Variants in ALG6 observed in about 807,000 individuals in gnomAD.
ALG6 encodes the protein dolichyl pyrophosphate Man9GlcNAc2 alpha-1,3-glucosyltransferase.
ALG6 carries 46 observed loss-of-function variants against 66.6 expected under a neutral mutation model. The observed-to-expected ratio is 0.69, with a 90% CI of 0.55 to 0.88. The LOEUF (loss-of-function observed/expected upper bound fraction) is 0.88, where lower values mean the gene tolerates loss of function less well. Ranked by LOEUF, ALG6 falls within the 40% of genes least tolerant of loss-of-function variation. ALG6 has a pLI of 0.00. For synonymous variants in ALG6, 185 were observed against 203.7 expected, an observed-to-expected ratio of 0.91 and a Z score of 0.78; for missense variants, 505 against 586.8, an observed-to-expected ratio of 0.86 and a Z score of 1.44.
chr1:63,382,655 GTTTTTTTTT>G, intron 2 of ALG6, among the ~76,000 whole-genome samples: 1 of 81,242 alleles, frequency 1.2e-5, no homozygotes, highest in Middle Eastern at 6.6e-3. Flanking sequence ...TTTTTTGTTT[GTTTTTTTTT>G]GTTTTTTTTT....
intron 3 of ALG6, among the ~76,000 whole-genome samples, chr1:63,397,627 A>G (rs913259786): frequency 1.3e-5 from 2 of 152,190 alleles, no homozygotes; most frequent in African/African-American, 4.8e-5. Context: ...CTTCATAGAC[A>G]TTTTTGTTAA....
chr1:63,433,135 G>T lies in ALG6; in HGVS notation c.1327-3688G>T, dbSNP rs1033473566. The stretch of plus-strand genomic sequence containing the variant: ...TTTTTGTATTTTTAATAGAGACGGG[G>T]TTTCACCATATTGGCCAGGCTGGTC... On this transcript the variant is annotated intron_variant, in intron 14 of 14. Transcript: ENST00000263440. The surrounding 1 kb of genome is among the most constrained non-coding windows in gnomAD (Gnocchi z 4.2). Among the ~76,000 whole-genome samples the T allele has an allele frequency of 6.6e-6, 1 of 152,052 alleles. No individual in the cohort carries two copies. The highest frequency in any genetic ancestry group is 2.4e-5 in the African/African-American group (1 of 41,380).
intron 2 of ALG6, among the ~76,000 whole-genome samples, chr1:63,382,671 TTTTTTTTG>T (rs1266036968): frequency 5.3e-4 from 70 of 130,924 alleles, no homozygotes; most frequent in Non-Finnish European, 3.0e-4. Context: ...TTTTGTTTTT[TTTTTTTTG>T]TTTTTTTTTT....
chr1:63,416,061 T>C (rs1644544667), intron 11 of ALG6, 104 bp downstream of exon 11: 3 of 859,658 alleles, frequency 3.5e-6, no homozygotes, highest in Non-Finnish European at 5.7e-6. Flanking sequence ...AAACAAGACA[T>C]TCATTTATTT....
Position 63,407,107 on chromosome 1 carries a change from A to G in ALG6, c.475A>G (p.Ile159Val), listed in dbSNP as rs531362960. Residue 159 changes from isoleucine (I) to valine (V), a missense_variant, in exon 7 of 15, where the codon ATA becomes GTA. Transcript: ENST00000263440. ...CTTGCTGTATCCAGGCCTTATTCTTATAGACTATGGACATTTTCAGTATCC... is the reference window on the plus strand; with the variant it reads ...CTTGCTGTATCCAGGCCTTATTCTTGTAGACTATGGACATTTTCAGTATCC... ...CILLYPGLIL[I>V]DYGHFQYNSV... The G allele has an allele frequency of 1.6e-5, 25 of 1,608,524 alleles. No homozygotes were observed. In the East Asian group the frequency reaches 4.5e-4, roughly 29 times the overall value.
intron 12 of ALG6, among the ~76,000 whole-genome samples, chr1:63,422,052 TA>T (rs1294909869): frequency 1.4e-5 from 2 of 138,936 alleles, no homozygotes; most frequent in Non-Finnish European, 3.1e-5. Context: ...AATTTATATA[TA>T]AATATCTATT....
At chr1:63,431,889 A>G (rs1056674764) in intron 14 of ALG6, among the ~76,000 whole-genome samples, 2 of 152,156 alleles carry the variant, frequency 1.3e-5, no homozygotes, top group African/African-American at 4.8e-5. Context: ...ATTCTTCGGC[A>G]TAGGTTTTTA....
In ALG6 at chr1:63,437,242, T is replaced by C. The variant is rs1030729335; in HGVS notation, c.*222T>C. ...GTCTAAGTACTGCTTGGCCAAAACA[T>C]GTGGTTTTATTATTCACAGCTATTC... On this transcript the variant is annotated 3_prime_UTR_variant, in exon 15 of 15. Coordinates refer to ENST00000263440, the MANE Select transcript of ALG6 (RefSeq NM_013339.4). The C allele has an allele frequency of 2.5e-5, 12 of 480,024 alleles. No individual in the cohort carries two copies. Among genetic ancestry groups the C allele is most frequent in the African/African-American group, 2.1e-4 (11 of 51,306 alleles). 29.7% of individuals were successfully genotyped at this position (480,024 alleles called of 1,614,324 possible).
intron 12 of ALG6, among the ~76,000 whole-genome samples, chr1:63,427,294 T>C (rs568216669): frequency 6.6e-6 from 1 of 151,952 alleles, no homozygotes; most frequent in South Asian, 2.1e-4. Context: ...ATTACAGGTG[T>C]GAGCCACTGC....
chr1:63,384,818 T>G (rs1211929982), intron 2 of ALG6, among the ~76,000 whole-genome samples: 2 of 152,180 alleles, frequency 1.3e-5, no homozygotes, highest in Non-Finnish European at 2.9e-5. Flanking sequence ...GGTTCTCTAT[T>G]CTGTTCCATG....
At chr1:63,370,399 A>G (rs1647874471) in intron 1 of ALG6, among the ~76,000 whole-genome samples, 1 of 152,236 alleles carries the variant, frequency 6.6e-6, no homozygotes, top group Non-Finnish European at 1.5e-5. Flanking sequence ...CGCTGTACCA[A>G]AGATAAATCA....
rs544009543 is a variant in ALG6 at position 63,373,046 on chromosome 1, C to T, written c.82+1987C>T. 9.2e-5 allele frequency among the ~76,000 whole-genome samples: 14 copies of T among 151,988 alleles called. No individual in the cohort carries two copies. The East Asian group carries it at 1.6e-3, about 17-fold the overall frequency. ...TTTGGAGACAGGGTTTCACTTTCAT[C>T]GTCCAGGCTAAAGTGCAGTGGCACA... is the stretch of plus-strand genomic sequence containing the variant. On this transcript the variant is annotated intron_variant, in intron 2 of 14. Coordinates refer to ENST00000263440, the MANE Select transcript of ALG6 (RefSeq NM_013339.4).
intron 14 of ALG6, 27 bp downstream of exon 14, chr1:63,429,153 C>A (rs1466960507): frequency 3.4e-6 from 5 of 1,471,784 alleles, no homozygotes; most frequent in Non-Finnish European, 4.7e-6. Flanking sequence ...AGAAATGACA[C>A]ATTTTTCAGC....
In ALG6 at chr1:63,370,762, T is replaced by C. The variant is rs545125464; in HGVS notation, c.-207-9T>C. Reference sequence around the variant, plus strand: ...AGCTGAATCTTGATATCTTTTTTTTTCCCCTTAGGATACTTCTACATAGAC... The same window carrying C: ...AGCTGAATCTTGATATCTTTTTTTTCCCCCTTAGGATACTTCTACATAGAC... On this transcript the variant is annotated splice_polypyrimidine_tract_variant and intron_variant, in intron 1 of 14. Coordinates refer to ENST00000263440, the MANE Select transcript of ALG6 (RefSeq NM_013339.4). 9.8e-5 allele frequency: 56 copies of C among 569,840 alleles called. No homozygotes were observed. The highest frequency in any genetic ancestry group is 7.9e-4 in the Admixed American group (26 of 32,994). The allele number at this position is 569,840 out of a possible 1,614,324, so 35.3% of individuals were successfully genotyped here.
intron 3 of ALG6, among the ~76,000 whole-genome samples, chr1:63,399,923 G>A (rs147962792): frequency 0.015 from 2,272 of 151,642 alleles, 60 homozygotes; most frequent in African/African-American, 0.052. Flanking sequence ...AAGGCCGGGC[G>A]CAGTGGCTTA....
At chr1:63,406,920 A>T in intron 6 of ALG6, 142 bp from the exon 7 acceptor site, 1 of 649,324 alleles carries the variant, frequency 1.5e-6, no homozygotes. Flanking sequence ...GTATTATAAA[A>T]ATTGAATATT....
chr1:63,428,227 T>C (rs540353265), intron 12 of ALG6: 1 of 152,822 alleles, frequency 6.5e-6, no homozygotes, highest in South Asian at 2.1e-4. Context: ...CTTTTAATTT[T>C]ATTATTATCA....
At chr1:63,411,012 ATGT>A (rs1644512897) in intron 7 of ALG6, 131 bp from the exon 8 acceptor site, 1 of 824,930 alleles carries the variant, frequency 1.2e-6, no homozygotes, top group Non-Finnish European at 1.9e-6. Context: ...TTCATTGTAT[ATGT>A]TATTTTAAAA....
intron 7 of ALG6, among the ~76,000 whole-genome samples, chr1:63,407,717 C>T (rs1011727853): frequency 3.2e-4 from 49 of 151,968 alleles, no homozygotes; most frequent in African/African-American, 1.1e-3. Flanking sequence ...GTCTCCATCT[C>T]TCTTAAAGGA....
Sources: gnomAD v4.1 joint callset for allele counts (sites outside exome capture counted in the v4.1 genomes callset) on GRCh38, gnomAD v4.1.1 for gene constraint, Gnocchi (gnomAD v3.1) non-coding constraint, MANE v1.5 for transcripts, NCBI Gene and HGNC (gene_info 2026-07-23, HGNC 2026-07-21) for gene names.